OXCT1: variants seen among roughly 807,000 people sequenced by gnomAD.
OXCT1 encodes succinyl-CoA:3-ketoacid coenzyme A transferase 1, mitochondrial.
A neutral mutation model predicts 69.6 loss-of-function variants in OXCT1; 27 were observed. The ratio of observed to expected loss-of-function variants is 0.39; its 90% CI spans 0.29 to 0.54. The LOEUF (loss-of-function observed/expected upper bound fraction) is 0.54, where lower values mean the gene tolerates loss of function less well. OXCT1 is among the 20% of genes least tolerant of loss of function. The probability of loss-of-function intolerance (pLI) is 0.72; values close to 1 mark genes in which losing one functional copy is unlikely to be tolerated. For synonymous variants in OXCT1, 202 were observed against 217.8 expected (o/e 0.93, Z 0.64); for missense variants, 437 against 650.2 (o/e 0.67, Z 3.57).
intron 6 of OXCT1, among the ~76,000 whole-genome samples, chr5:41,840,934 A>C (rs540237597): frequency 6.6e-6 from 1 of 152,348 alleles, no homozygotes; most frequent in East Asian, 1.9e-4. Flanking sequence ...AATGCTTCAC[A>C]TGAGAAGGTA....
rs1750232705 is a variant in OXCT1, at chr5:41,870,316, C to G, written c.43G>C (p.Ala15Pro). The change falls in exon 1 of 17, where the codon GCC (alanine) becomes CCC (proline). Residue 15 changes from alanine (A) to proline (P), a missense_variant. Physicochemically the swap from Ala to Pro is conservative, Grantham distance 27 (BLOSUM62 -1). Coordinates refer to ENST00000196371, the MANE Select transcript of OXCT1 (RefSeq NM_000436.4). This position sits in a 1 kb window ranked among gnomAD's most constrained non-coding sequence, Gnocchi z 4.2. Reference protein sequence around the residue: ...KLLSSGLRLCASARGSGATWY... With the variant: ...KLLSSGLRLCPSARGSGATWY... Reference sequence around the variant, plus strand: ...GTTGCCCCAGATCCGCGGGCAGAGGCGCAGAGCCGAAGCCCGGAGGAGAGG... The same window carrying G: ...GTTGCCCCAGATCCGCGGGCAGAGGGGCAGAGCCGAAGCCCGGAGGAGAGG... 1 of 1,614,014 alleles carries G rather than the reference C, an allele frequency of 6.2e-7. No homozygotes were observed.
chr5:41,819,933 C>T (rs923446500), intron 7 of OXCT1, among the ~76,000 whole-genome samples: 3 of 152,220 alleles, frequency 2.0e-5, no homozygotes, highest in Middle Eastern at 3.4e-3. Context: ...CTACTAACTA[C>T]AGGCAATCAA....
At chr5:41,826,934 G>A (rs1416522232) in intron 7 of OXCT1, among the ~76,000 whole-genome samples, 1 of 152,124 alleles carries the variant, frequency 6.6e-6, no homozygotes, top group Admixed American at 6.5e-5. Flanking sequence ...CTCAAGCCAA[G>A]TGTAGGAGTG....
chr5:41,780,093 TAAC>T (rs1401396207), intron 13 of OXCT1, among the ~76,000 whole-genome samples: 1 of 152,138 alleles, frequency 6.6e-6, no homozygotes, highest in East Asian at 1.9e-4. Flanking sequence ...GAAGATATAA[TAAC>T]AGTCTGAGGA....
At position 41,861,346 on chromosome 5, in the gene OXCT1, T is replaced by C; in HGVS notation, c.246A>G (p.Val82=). Reference sequence around the variant, plus strand: ...TGTTGCTGACTGCAGTTAGTCCTTTTACTCCAGTTTTCAGTAAAGCATCTA... The same window carrying C: ...TGTTGCTGACTGCAGTTAGTCCTTTCACTCCAGTTTTCAGTAAAGCATCTA... The part of the protein sequence containing the change: ...NLIDALLKTG[V]KGLTAVSNNA... Residue 82 remains valine, a synonymous_variant, in exon 3 of 17, where the codon GTA becomes GTG. Transcript: ENST00000196371. 1.2e-6 allele frequency: 2 copies of C among 1,612,276 alleles called. No homozygotes were observed. The highest frequency in any genetic ancestry group is 1.7e-6 in the Non-Finnish European group (2 of 1,178,534).
intron 15 of OXCT1, among the ~76,000 whole-genome samples, chr5:41,743,745 C>T (rs1340443396): frequency 2.0e-5 from 3 of 152,224 alleles, no homozygotes; most frequent in Admixed American, 1.3e-4. Flanking sequence ...GAATCCTTTC[C>T]CCATTGCTTG....
At chr5:41,748,168 G>T (rs1234810697) in intron 15 of OXCT1, among the ~76,000 whole-genome samples, 1 of 152,086 alleles carries the variant, frequency 6.6e-6, no homozygotes, top group African/African-American at 2.4e-5. Context: ...ATAAATTGTT[G>T]TGTGCTATGA....
intron 13 of OXCT1, among the ~76,000 whole-genome samples, chr5:41,782,142 T>C (rs1745435016): frequency 6.6e-6 from 1 of 151,000 alleles, no homozygotes; most frequent in Admixed American, 6.6e-5. Flanking sequence ...TTTTTAGTAA[T>C]AGTCATTGTG....
intron 1 of OXCT1, among the ~76,000 whole-genome samples, chr5:41,863,717 T>C (rs999123388): frequency 1.3e-5 from 2 of 152,184 alleles, no homozygotes; most frequent in African/African-American, 4.8e-5. Context: ...AGCAATGGTG[T>C]CATCAAGCAT....
chr5:41,738,097 T>C (rs1742980806), intron 16 of OXCT1, among the ~76,000 whole-genome samples: 1 of 152,158 alleles, frequency 6.6e-6, no homozygotes, highest in Admixed American at 6.5e-5. Flanking sequence ...AAGCAAAGCA[T>C]GTAGTACACA....
chr5:41,849,846 T>C (rs1476463062), intron 5 of OXCT1, among the ~76,000 whole-genome samples, 184 bp downstream of exon 5: 1 of 152,242 alleles, frequency 6.6e-6, no homozygotes, highest in Non-Finnish European at 1.5e-5. Context: ...TATTGTAGTT[T>C]CTCTACGTGA....
At chr5:41,847,643 T>C (rs1748985734) in intron 5 of OXCT1, among the ~76,000 whole-genome samples, 1 of 151,964 alleles carries the variant, frequency 6.6e-6, no homozygotes, top group African/African-American at 2.4e-5. Flanking sequence ...AATCAATAAA[T>C]GTAATCCAGC....
chr5:41,766,715 T>G (rs557112465), intron 13 of OXCT1, among the ~76,000 whole-genome samples: 11 of 152,266 alleles, frequency 7.2e-5, no homozygotes, highest in African/African-American at 2.6e-4. Flanking sequence ...CAAAACACAC[T>G]GAAAATCATT....
chr5:41,797,068 C>T (rs1275653512), intron 11 of OXCT1, among the ~76,000 whole-genome samples: 1 of 152,158 alleles, frequency 6.6e-6, no homozygotes, highest in African/African-American at 2.4e-5. Flanking sequence ...CCTCATCAGT[C>T]CTGTGGGAAG....
chr5:41,791,448 T>G (rs1162495942), intron 13 of OXCT1, among the ~76,000 whole-genome samples: 17 of 152,212 alleles, frequency 1.1e-4, no homozygotes. Context: ...CATTTGTATT[T>G]TAATCATTCA....
rs79735053 is a variant in OXCT1, at chr5:41,763,171, C to A, written c.1249-971G>T. On this transcript the variant is annotated intron_variant, in intron 13 of 16. Coordinates refer to ENST00000196371, the MANE Select transcript of OXCT1 (RefSeq NM_000436.4). ...TGGCTTTAAAACACGGTCTCGAATT[C>A]CATGATTTTGGAGACATTTTACAGG... Among the ~76,000 whole-genome samples, 24 of 152,086 alleles carry A rather than the reference C, an allele frequency of 1.6e-4. No homozygotes were observed. In the East Asian group the frequency reaches 4.4e-3, roughly 28 times the overall value.
chr5:41,846,391 T>C (rs980285944), intron 5 of OXCT1, among the ~76,000 whole-genome samples: 15 of 148,206 alleles, frequency 1.0e-4, no homozygotes, highest in Non-Finnish European at 7.4e-5. Flanking sequence ...GTTTGGTTTT[T>C]TGTTCTTGCG....
rs139665591 is a variant in OXCT1, at chr5:41,764,278, A to T, written c.1249-2078T>A. ...ACCAAATCTCTCTGAATTTGTGTTC[A>T]TTATCTGTACACCAGGAATAAGAAT... is the stretch of plus-strand genomic sequence containing the variant. On this transcript the variant is annotated intron_variant, in intron 13 of 16. Coordinates refer to ENST00000196371, the MANE Select transcript of OXCT1 (RefSeq NM_000436.4). Among the ~76,000 whole-genome samples the T allele has an allele frequency of 1.9e-4, 29 of 152,242 alleles. No homozygotes were observed. In the East Asian group the frequency reaches 5.6e-3, roughly 29 times the overall value.
chr5:41,839,018 G>C (rs761376077), intron 7 of OXCT1, among the ~76,000 whole-genome samples: 5 of 152,044 alleles, frequency 3.3e-5, no homozygotes, highest in Non-Finnish European at 7.4e-5. Flanking sequence ...TGTGTGTCTC[G>C]GCCTACCAGG....
Sources: allele counts gnomAD v4.1 joint callset (sites outside exome capture counted in the v4.1 genomes callset), GRCh38; gene constraint gnomAD v4.1.1; non-coding constraint Gnocchi (gnomAD v3.1); transcripts MANE v1.5; gene names NCBI Gene and HGNC (gene_info 2026-07-23, HGNC 2026-07-21).